MVB12B: variants seen among roughly 807,000 people sequenced by gnomAD.
The protein encoded by MVB12B is multivesicular body subunit 12B.
In MVB12B, 16 loss-of-function variants were observed where a neutral mutation model predicts 41.6. That is an observed-to-expected ratio of 0.38 (90% CI 0.26 to 0.58). MVB12B has a LOEUF of 0.58. Among genes scored for constraint, MVB12B ranks in the 20% least tolerant of loss-of-function variants. The probability of loss-of-function intolerance (pLI) is 0.62; values close to 1 mark genes in which losing one functional copy is unlikely to be tolerated. For synonymous variants in MVB12B, 133 were observed against 139.7 expected (o/e 0.95, Z 0.34); for missense variants, 274 against 380.2 (o/e 0.72, Z 2.32).
At chr9:126,353,050 T>C (rs1254324637) in intron 2 of MVB12B, among the ~76,000 whole-genome samples, 1 of 152,098 alleles carries the variant, frequency 6.6e-6, no homozygotes, top group Non-Finnish European at 1.5e-5. Context: ...GAAGAGGAGA[T>C]GTGGCTGGAG....
chr9:126,456,992 C>T (rs1832997249), intron 7 of MVB12B, among the ~76,000 whole-genome samples: 1 of 152,204 alleles, frequency 6.6e-6, no homozygotes, highest in Non-Finnish European at 1.5e-5. Flanking sequence ...CCTCACCCCA[C>T]GAGTTTAACC....
intron 2 of MVB12B, among the ~76,000 whole-genome samples, chr9:126,344,977 C>T (rs937074578): frequency 6.6e-6 from 1 of 152,196 alleles, no homozygotes; most frequent in African/African-American, 2.4e-5. Flanking sequence ...CACTGTTGCA[C>T]TGGGGATAAG....
intron 4 of MVB12B, among the ~76,000 whole-genome samples, chr9:126,390,829 C>T (rs888273746): frequency 2.6e-5 from 4 of 151,868 alleles, no homozygotes; most frequent in Admixed American, 6.6e-5. Flanking sequence ...CATGGTAACA[C>T]GCATCTCAGC....
Position 126,480,456 on chromosome 9 carries a change from G to A in MVB12B, c.758-913G>A, listed in dbSNP as rs1833503424. 6.6e-6 allele frequency among the ~76,000 whole-genome samples: 1 copy of A among 152,192 alleles called. No homozygotes were observed. Among genetic ancestry groups the A allele is most frequent in the Non-Finnish European group, 1.5e-5 (1 of 68,024 alleles). Reference sequence around the variant, plus strand: ...CTCCTCTCTGAGGTTATAATTCATAGAGAAGTGCTCACTTACGGAGGCACA... The same window carrying A: ...CTCCTCTCTGAGGTTATAATTCATAAAGAAGTGCTCACTTACGGAGGCACA... On this transcript the variant is annotated intron_variant, in intron 7 of 9. Coordinates refer to ENST00000361171, the MANE Select transcript of MVB12B (RefSeq NM_033446.3). The surrounding 1 kb of genome is among the most constrained non-coding windows in gnomAD (Gnocchi z 4.9).
At chr9:126,343,670 C>T (rs997442771) in intron 2 of MVB12B, among the ~76,000 whole-genome samples, 3 of 152,016 alleles carry the variant, frequency 2.0e-5, no homozygotes, top group African/African-American at 7.3e-5. Flanking sequence ...AATCCCTGCA[C>T]TTTGGGAGGC....
rs1226192656 is a variant in MVB12B at position 126,367,868 on chromosome 9, T to A, written c.205-13196T>A. 6.6e-6 allele frequency among the ~76,000 whole-genome samples: 1 copy of A among 152,194 alleles called. No homozygotes were observed. The highest frequency in any genetic ancestry group is 2.4e-5 in the African/African-American group (1 of 41,462). ...GCTCTCTTCCCTGCGCCCTCACTCCTGATTCAGCTCACCTGGGAGCCATCC... is the reference window on the plus strand; with the variant it reads ...GCTCTCTTCCCTGCGCCCTCACTCCAGATTCAGCTCACCTGGGAGCCATCC... On this transcript the variant is annotated intron_variant, in intron 2 of 9. Transcript: ENST00000361171. The surrounding 1 kb of genome is among the most constrained non-coding windows in gnomAD (Gnocchi z 4.3).
intron 1 of MVB12B, among the ~76,000 whole-genome samples, chr9:126,334,874 A>C (rs1027192125): frequency 6.6e-6 from 1 of 152,166 alleles, no homozygotes; most frequent in African/African-American, 2.4e-5. Flanking sequence ...TTGATCCTGA[A>C]TTTATTTTTG....
intron 2 of MVB12B, among the ~76,000 whole-genome samples, chr9:126,355,228 T>A (rs1829849954): frequency 6.6e-6 from 1 of 152,140 alleles, no homozygotes; most frequent in South Asian, 2.1e-4. Flanking sequence ...TATTACCACC[T>A]CCTTCTGACC....
At chr9:126,483,493 C>A (rs1328869262) in intron 8 of MVB12B, among the ~76,000 whole-genome samples, 4 of 152,170 alleles carry the variant, frequency 2.6e-5, no homozygotes, top group East Asian at 1.9e-4. Context: ...CCCTGGATTC[C>A]CCCTAAGGAA....
chr9:126,399,823 CAG>C (rs1180399155), intron 6 of MVB12B, among the ~76,000 whole-genome samples: 2 of 152,218 alleles, frequency 1.3e-5, no homozygotes, highest in African/African-American at 2.4e-5. Context: ...GCAGATGATG[CAG>C]AGTCATTAGG....
intron 7 of MVB12B, among the ~76,000 whole-genome samples, chr9:126,460,124 G>T (rs1350316128): frequency 6.6e-6 from 1 of 152,106 alleles, no homozygotes; most frequent in Admixed American, 6.5e-5. Context: ...CTCCCTGGCC[G>T]CTGGGCCTGC....
rs144904006 is a variant in MVB12B at position 126,403,400 on chromosome 9, A to G, written c.662+7703A>G. ...CCCTGGCCAGCCCCACCCCAGGCCT[A>G]TAGTAGCCCACATCACTGCTAGAAA... On this transcript the variant is annotated intron_variant, in intron 6 of 9. Transcript: ENST00000361171. 3.5e-3 allele frequency among the ~76,000 whole-genome samples: 528 copies of G among 152,284 alleles called. 2 individuals carry two copies. The highest frequency in any genetic ancestry group is 5.5e-3 in the Non-Finnish European group (371 of 68,018).
At chr9:126,421,712 G>T in intron 6 of MVB12B, 142 bp from the exon 7 acceptor site, 1 of 681,330 alleles carries the variant, frequency 1.5e-6, no homozygotes. Context: ...AGTTATGCTT[G>T]ATTGAGAAGG....
intron 8 of MVB12B, among the ~76,000 whole-genome samples, chr9:126,482,714 G>GCTA (rs1833550807): frequency 6.6e-6 from 1 of 152,336 alleles, no homozygotes; most frequent in Non-Finnish European, 1.5e-5. Context: ...CTGTTCCGTG[G>GCTA]CTACCGGCAG....
intron 2 of MVB12B, among the ~76,000 whole-genome samples, chr9:126,371,077 G>C (rs978625314): frequency 3.9e-5 from 6 of 152,186 alleles, no homozygotes; most frequent in Non-Finnish European, 8.8e-5. Flanking sequence ...GGGTACTATT[G>C]ATTGACTAGT....
At chr9:126,490,442 A>G (rs1833708269) in intron 9 of MVB12B, among the ~76,000 whole-genome samples, 1 of 152,208 alleles carries the variant, frequency 6.6e-6, no homozygotes, top group South Asian at 2.1e-4. Context: ...GCAGTGGAGA[A>G]GTCCGGAGCG....
In MVB12B at chr9:126,458,958, TTC is replaced by T. The variant is rs1157905323; in HGVS notation, c.758-22407_758-22406del. ...GGCATTCACAAGGCATCTGAATTTA[TTC>T]TCTTTCTTTCTATTACTGAAAGTCA... On this transcript the variant is annotated intron_variant, in intron 7 of 9. Transcript: ENST00000361171. 5.9e-5 allele frequency among the ~76,000 whole-genome samples: 9 copies of T among 152,226 alleles called. No homozygotes were observed. In the East Asian group the frequency reaches 1.5e-3, roughly 26 times the overall value.
intron 2 of MVB12B, among the ~76,000 whole-genome samples, chr9:126,369,306 T>C (rs1830270259): frequency 6.6e-6 from 1 of 152,236 alleles, no homozygotes; most frequent in Non-Finnish European, 1.5e-5. Flanking sequence ...TTCAGGTCTA[T>C]TGTCTGATTT....
At chr9:126,384,873 A>G (rs1262088192) in intron 3 of MVB12B, among the ~76,000 whole-genome samples, 6 of 123,120 alleles carry the variant, frequency 4.9e-5, no homozygotes, top group African/African-American at 9.7e-5. Flanking sequence ...GTCTCACTCT[A>G]TTGCCCAGGC....
Sources: allele counts gnomAD v4.1 joint callset (sites outside exome capture counted in the v4.1 genomes callset), GRCh38; gene constraint gnomAD v4.1.1; non-coding constraint Gnocchi (gnomAD v3.1); transcripts MANE v1.5; gene names NCBI Gene and HGNC (gene_info 2026-07-23, HGNC 2026-07-21).